The following SYT1 variants were observed in gnomAD, a reference collection of about 807,000 sequenced individuals.
SYT1 encodes the protein synaptotagmin-1.
Under a neutral mutation model 44.8 loss-of-function variants are expected in SYT1, and 8 were observed. The observed-to-expected ratio is 0.18, with a 90% CI of 0.10 to 0.32. The LOEUF is 0.32. Among genes scored for constraint, SYT1 ranks in the 10% least tolerant of loss-of-function variants. The probability of loss-of-function intolerance (pLI) is 1.00; values close to 1 mark genes in which losing one functional copy is unlikely to be tolerated. For synonymous variants in SYT1, 154 were observed against 188.8 expected, an observed-to-expected ratio of 0.82 and a Z score of 1.51; for missense variants, 286 against 509.3, an observed-to-expected ratio of 0.56 and a Z score of 4.22.
intron 3 of SYT1, among the ~76,000 whole-genome samples, chr12:79,204,583 C>T (rs1239757656): frequency 6.6e-6 from 1 of 152,188 alleles, no homozygotes; most frequent in Non-Finnish European, 1.5e-5. Context: ...CTACCAAAAG[C>T]ATCTAGTACC....
chr12:79,176,066 G>A (rs947616294), intron 3 of SYT1, among the ~76,000 whole-genome samples: 29 of 151,928 alleles, frequency 1.9e-4, no homozygotes, highest in African/African-American at 6.8e-4. Flanking sequence ...CGAGGAGGGT[G>A]GATCACCTGA....
intron 8 of SYT1, among the ~76,000 whole-genome samples, chr12:79,326,203 C>T (rs1195671579): frequency 1.3e-5 from 2 of 152,150 alleles, no homozygotes; most frequent in Non-Finnish European, 2.9e-5. Context: ...GATCATATTA[C>T]TTTTCCTCTC....
At chr12:78,967,883 A>G (rs1392339102) in intron 1 of SYT1, among the ~76,000 whole-genome samples, 4 of 152,142 alleles carry the variant, frequency 2.6e-5, no homozygotes, top group Non-Finnish European at 5.9e-5. Flanking sequence ...AAAAAACAAA[A>G]TGTGTGTGCA....
At chr12:78,878,307 A>G (rs982564829) in intron 1 of SYT1, among the ~76,000 whole-genome samples, 4 of 151,808 alleles carry the variant, frequency 2.6e-5, no homozygotes, top group African/African-American at 9.7e-5. Context: ...TATTCAAATT[A>G]AGAAACAAAC....
intron 8 of SYT1, among the ~76,000 whole-genome samples, chr12:79,315,123 G>A (rs1318603932): frequency 1.3e-5 from 2 of 152,050 alleles, no homozygotes; most frequent in East Asian, 1.9e-4. Context: ...CTTTAAATGG[G>A]TGAATTTTAT....
chr12:78,903,647 T>C (rs1875792027), intron 1 of SYT1, among the ~76,000 whole-genome samples: 1 of 152,128 alleles, frequency 6.6e-6, no homozygotes, highest in African/African-American at 2.4e-5. Context: ...TTCAATAGGC[T>C]TTTATTCTTT....
chr12:78,998,904 G>T (rs1038559546), intron 2 of SYT1, among the ~76,000 whole-genome samples: 30 of 152,138 alleles, frequency 2.0e-4, no homozygotes, highest in Non-Finnish European at 2.9e-5. Flanking sequence ...TGGAAATTTG[G>T]TCAATATCTT....
chr12:79,105,681 C>A (rs1683112737), intron 3 of SYT1, among the ~76,000 whole-genome samples: 2 of 152,090 alleles, frequency 1.3e-5, no homozygotes. Flanking sequence ...GAGATCGAGA[C>A]CATCCTGGCT....
intron 1 of SYT1, among the ~76,000 whole-genome samples, chr12:78,873,216 G>T (rs554292859): frequency 6.6e-6 from 1 of 151,486 alleles, no homozygotes; most frequent in Non-Finnish European, 1.5e-5. Flanking sequence ...TATATTTTTT[G>T]TCTGTTGGAA....
intron 4 of SYT1, among the ~76,000 whole-genome samples, chr12:79,230,467 T>G (rs1875805655): frequency 1.3e-5 from 2 of 152,138 alleles, no homozygotes; most frequent in South Asian, 4.1e-4. Flanking sequence ...TTTAAAATTA[T>G]GTAGGTAGGT....
intron 9 of SYT1, among the ~76,000 whole-genome samples, chr12:79,418,942 G>A (rs1868926289): frequency 6.6e-6 from 1 of 152,232 alleles, no homozygotes; most frequent in African/African-American, 2.4e-5. Context: ...ATTTCTGGGG[G>A]AATGGCCAAG....
intron 4 of SYT1, among the ~76,000 whole-genome samples, chr12:79,248,079 A>T (rs1001078133): frequency 2.6e-5 from 4 of 152,232 alleles, no homozygotes; most frequent in Non-Finnish European, 5.9e-5. Flanking sequence ...CCCAGTTGGC[A>T]CAGTCCATTT....
intron 3 of SYT1, among the ~76,000 whole-genome samples, chr12:79,088,311 G>A (rs571430421): frequency 6.6e-6 from 1 of 152,000 alleles, no homozygotes; most frequent in Non-Finnish European, 1.5e-5. Flanking sequence ...TACCCCCTTC[G>A]GAAGGTTCAA....
chr12:79,296,310 C>T, intron 7 of SYT1, 74 bp downstream of exon 7: 3 of 1,429,378 alleles, frequency 2.1e-6, no homozygotes, highest in South Asian at 1.4e-5. Flanking sequence ...CTGACACATA[C>T]ATAGACATGC....
At chr12:78,955,506 G>A in intron 1 of SYT1, 1 of 152,156 alleles carries the variant, frequency 6.6e-6, no homozygotes, top group East Asian at 1.9e-4. Context: ...GGCAGATTCT[G>A]TCTGGTGAGA....
chr12:79,041,652 C>T (rs1442632958), intron 2 of SYT1, among the ~76,000 whole-genome samples: 4 of 151,988 alleles, frequency 2.6e-5, no homozygotes, highest in African/African-American at 4.8e-5. Context: ...CCAGAACTTC[C>T]AACACTATGT....
At chr12:79,332,178 C>T (rs933391454) in intron 8 of SYT1, among the ~76,000 whole-genome samples, 3 of 152,238 alleles carry the variant, frequency 2.0e-5, no homozygotes, top group African/African-American at 4.8e-5. Context: ...ATGAAACAAA[C>T]AAGATATACC....
intron 1 of SYT1, among the ~76,000 whole-genome samples, chr12:78,934,219 TC>T (rs1253047531): frequency 6.6e-6 from 1 of 151,714 alleles, no homozygotes; most frequent in African/African-American, 2.4e-5. Flanking sequence ...TCTGGCTGTG[TC>T]CCCATCCAAA....
chr12:79,422,178 G>A (rs1869160667), intron 9 of SYT1, among the ~76,000 whole-genome samples: 1 of 151,810 alleles, frequency 6.6e-6, no homozygotes, highest in Admixed American at 6.6e-5. Flanking sequence ...AACCTTCCTG[G>A]GGTTCTGTCA....
Sources: allele counts gnomAD v4.1 joint callset (sites outside exome capture counted in the v4.1 genomes callset), GRCh38; gene constraint gnomAD v4.1.1; transcripts MANE v1.5; gene names NCBI Gene and HGNC (gene_info 2026-07-23, HGNC 2026-07-21).